The following MGAT5 variants were observed in gnomAD, a reference collection of about 807,000 sequenced individuals.
The protein encoded by MGAT5 is alpha-1,6-mannosylglycoprotein 6-beta-N-acetylglucosaminyltransferase A.
In MGAT5, 30 loss-of-function variants were observed where a neutral mutation model predicts 94.3. That is an observed-to-expected ratio of 0.32 (90% CI 0.24 to 0.43). MGAT5 has a LOEUF of 0.43. Ranked by LOEUF, MGAT5 falls within the 20% of genes least tolerant of loss-of-function variation. The probability of loss-of-function intolerance (pLI) is 1.00; values close to 1 mark genes in which losing one functional copy is unlikely to be tolerated. For missense variants in MGAT5, 691 were observed against 905.5 expected (o/e 0.76, Z 3.04); for synonymous variants, 310 against 322.9 (o/e 0.96, Z 0.43).
chr2:134,296,346 T>C (rs1685671598), intron 2 of MGAT5, among the ~76,000 whole-genome samples: 1 of 152,232 alleles, frequency 6.6e-6, no homozygotes, highest in Admixed American at 6.5e-5. Flanking sequence ...ATTAAATTAC[T>C]TGGTTTGGTA....
upstream of MGAT5, chr2:134,253,339 C>T (rs142505119): frequency 7.0e-4 from 106 of 152,408 alleles, 1 homozygote; most frequent in East Asian, 0.019. Flanking sequence ...TGGTATTGGG[C>T]CCAGGACTCT....
chr2:134,173,288 T>G (rs1175117259), intron 1 of MGAT5, among the ~76,000 whole-genome samples: 1 of 152,192 alleles, frequency 6.6e-6, no homozygotes, highest in African/African-American at 2.4e-5. Context: ...AGGGTCTGTT[T>G]CCCCTGAAAC....
At chr2:134,284,240 G>A (rs1438264380) in intron 2 of MGAT5, among the ~76,000 whole-genome samples, 2 of 152,144 alleles carry the variant, frequency 1.3e-5, no homozygotes, top group African/African-American at 4.8e-5. Context: ...TTGAACTTTA[G>A]TGGGCCACAT....
chr2:134,174,911 A>C (rs981198411), intron 1 of MGAT5, among the ~76,000 whole-genome samples: 4 of 152,216 alleles, frequency 2.6e-5, no homozygotes, highest in Admixed American at 1.3e-4. Context: ...GATGCATGTC[A>C]GTATCTCATC....
chr2:134,188,025 C>G (rs1322510031), intron 1 of MGAT5, among the ~76,000 whole-genome samples: 4 of 152,164 alleles, frequency 2.6e-5, no homozygotes, highest in Non-Finnish European at 5.9e-5. Flanking sequence ...AAATTTGTCA[C>G]TTTTATTCAC....
At chr2:134,328,137 T>C (rs1355440905) in intron 4 of MGAT5, among the ~76,000 whole-genome samples, 2 of 152,098 alleles carry the variant, frequency 1.3e-5, no homozygotes, top group Non-Finnish European at 2.9e-5. Flanking sequence ...GGATGGATTA[T>C]TGAAAGTGTC....
At chr2:134,149,186 G>A (rs1365357651) in intron 1 of MGAT5, among the ~76,000 whole-genome samples, 5 of 152,148 alleles carry the variant, frequency 3.3e-5, no homozygotes, top group African/African-American at 4.8e-5. Context: ...AAGAACAGCC[G>A]TGAGGTCAGG....
intron 1 of MGAT5, among the ~76,000 whole-genome samples, chr2:134,244,748 C>T (rs1682147745): frequency 6.6e-6 from 1 of 152,164 alleles, no homozygotes; most frequent in Non-Finnish European, 1.5e-5. Context: ...GTAAGGCAGT[C>T]CCTCTCAACC....
At chr2:134,142,091 A>G (rs777265281) in intron 1 of MGAT5, among the ~76,000 whole-genome samples, 1 of 152,132 alleles carries the variant, frequency 6.6e-6, no homozygotes, top group Non-Finnish European at 1.5e-5. Flanking sequence ...TGAGGAGTGC[A>G]AGGGGAGGCT....
intron 1 of MGAT5, among the ~76,000 whole-genome samples, chr2:134,242,108 C>G (rs1682005734): frequency 6.6e-6 from 1 of 152,154 alleles, no homozygotes; most frequent in Non-Finnish European, 1.5e-5. Context: ...AGCACTTGTT[C>G]TAAAGAGAGC....
At position 134,387,321 on chromosome 2, in the gene MGAT5, TATATATATATA is replaced by T. The variant is rs1226026880; in HGVS notation, c.1381-15666_1381-15656del. Among the ~76,000 whole-genome samples the T allele has an allele frequency of 5.4e-3, 284 of 52,614 alleles. 4 individuals carry two copies. The highest frequency in any genetic ancestry group is 0.011 in the Admixed American group (57 of 5,422). The allele number at this position is 52,614 out of a possible 152,430, so 34.5% of individuals were successfully genotyped here. A position where few individuals can be genotyped will look rare whatever the true frequency, so the allele number is the denominator to read the frequency against. ...TGTATGATATATATATATATATATA[TATATATATATA>T]TTTTTTTTTTTTTTTTTTTTTACCA... On this transcript the variant is annotated intron_variant, in intron 10 of 15. Transcript: ENST00000281923.
intron 10 of MGAT5, among the ~76,000 whole-genome samples, chr2:134,365,831 C>A (rs887807766): frequency 1.2e-4 from 18 of 152,152 alleles, no homozygotes; most frequent in African/African-American, 4.3e-4. Flanking sequence ...TACTAAATGC[C>A]TATCAAGAAA....
At chr2:134,418,311 G>T (rs112613014) in intron 12 of MGAT5, among the ~76,000 whole-genome samples, 1 of 152,128 alleles carries the variant, frequency 6.6e-6, no homozygotes, top group African/African-American at 2.4e-5. Flanking sequence ...GCTGTCACAC[G>T]GACATTTGGT....
intron 10 of MGAT5, among the ~76,000 whole-genome samples, chr2:134,391,708 G>T (rs1682423518): frequency 6.6e-6 from 1 of 152,200 alleles, no homozygotes; most frequent in South Asian, 2.1e-4. Context: ...AATTTTGGGG[G>T]ACACAGACAA....
At chr2:134,441,117 C>CT (rs1685464144) in intron 14 of MGAT5, among the ~76,000 whole-genome samples, 1 of 152,178 alleles carries the variant, frequency 6.6e-6, no homozygotes, top group African/African-American at 2.4e-5. Context: ...ATTGACGACA[C>CT]TAAGTGAGGA....
chr2:134,251,796 A>G (rs548836439), upstream of MGAT5, among the ~76,000 whole-genome samples: 20 of 152,280 alleles, frequency 1.3e-4, no homozygotes, highest in African/African-American at 4.3e-4. Context: ...TTAGAAATAT[A>G]CGTTATTATT....
intron 2 of MGAT5, among the ~76,000 whole-genome samples, chr2:134,295,822 CCT>C (rs1227422118): frequency 6.6e-6 from 1 of 152,046 alleles, no homozygotes; most frequent in African/African-American, 2.4e-5. Context: ...CAGATACTCC[CCT>C]GTCTTAATCT....
intron 2 of MGAT5, among the ~76,000 whole-genome samples, chr2:134,309,940 T>C (rs182382146): frequency 3.3e-5 from 5 of 152,182 alleles, no homozygotes; most frequent in African/African-American, 1.2e-4. Flanking sequence ...CTGGAGTTAT[T>C]TGGCTGAATT....
At chr2:134,372,349 G>A (rs1046414922) in intron 10 of MGAT5, among the ~76,000 whole-genome samples, 2 of 152,248 alleles carry the variant, frequency 1.3e-5, no homozygotes, top group Admixed American at 6.5e-5. Context: ...ACAGCCAATC[G>A]CATAAATCCA....
Sources: allele counts gnomAD v4.1 joint callset (sites outside exome capture counted in the v4.1 genomes callset), GRCh38; gene constraint gnomAD v4.1.1; transcripts MANE v1.5; gene names NCBI Gene and HGNC (gene_info 2026-07-23, HGNC 2026-07-21).